The following POLN variants were observed in gnomAD, a reference collection of about 807,000 sequenced individuals.
POLN encodes the protein DNA polymerase N.
In POLN, 108 loss-of-function variants were observed where a neutral mutation model predicts 113.5. The observed-to-expected ratio is 0.95, with a 90% CI of 0.81 to 1.12. The LOEUF is 1.12. Ranked by LOEUF, POLN falls within the 50% of genes most tolerant of loss-of-function variation. POLN has a pLI of 0.00. For missense variants in POLN, 1,097 were observed against 1,077.1 expected (o/e 1.02, Z -0.26); for synonymous variants, 386 against 391.5 (o/e 0.99, Z 0.17).
chr4:2,075,518 G>A lies in POLN; in HGVS notation c.2389C>T (p.Leu797=). ...AGCTCATCATGGATCTGGGCCACCA[G>A]CCTGGCAGGGAGGGAAGGAGTCACC... ...VAASHTLTAR[L]VAQIHDELLF... The change falls in exon 24 of 26, where the codon CTG becomes TTG. Residue 797 remains leucine, a splice_region_variant and synonymous_variant. Transcript: ENST00000511885. 1 of 1,613,200 alleles carries A rather than the reference G, an allele frequency of 6.2e-7. No homozygotes were observed. Among genetic ancestry groups the A allele is most frequent in the African/African-American group, 1.3e-5 (1 of 75,076 alleles).
At chr4:2,144,140 G>GT (rs1561035526) in intron 16 of POLN, among the ~76,000 whole-genome samples, 2 of 136,150 alleles carry the variant, frequency 1.5e-5, no homozygotes, top group Non-Finnish European at 1.6e-5. Context: ...TTAAAAATTT[G>GT]TTCTTTTTTT....
chr4:2,099,736 A>G lies in POLN; in HGVS notation c.1983-3803T>C, dbSNP rs1479266534. Reference sequence around the variant, plus strand: ...TTCATTGTGACAAATGTACCATATTAATGGAAAACATTCATAACAGGGAAG... The same window carrying G: ...TTCATTGTGACAAATGTACCATATTGATGGAAAACATTCATAACAGGGAAG... On this transcript the variant is annotated intron_variant, in intron 19 of 25. Coordinates refer to ENST00000511885, the MANE Select transcript of POLN (RefSeq NM_181808.4). Among the ~76,000 whole-genome samples the G allele has an allele frequency of 3.9e-5, 6 of 152,350 alleles. No homozygotes were observed. In the East Asian group the frequency reaches 1.2e-3, roughly 29 times the overall value.
At chr4:2,078,476 T>C (rs139667275) in intron 23 of POLN, 50 of 621,018 alleles carry the variant, frequency 8.1e-5, no homozygotes, top group Middle Eastern at 8.2e-4. Flanking sequence ...TCTTCTTCTT[T>C]TTTTTTTTTT....
intron 2 of POLN, among the ~76,000 whole-genome samples, chr4:2,235,580 C>T (rs964867743): frequency 6.6e-6 from 1 of 152,116 alleles, no homozygotes; most frequent in African/African-American, 2.4e-5. Context: ...TATAGCTTTA[C>T]GTGTATCAAC....
At chr4:2,239,289 CTTA>C (rs1317400455) in intron 2 of POLN, among the ~76,000 whole-genome samples, 3 of 152,146 alleles carry the variant, frequency 2.0e-5, no homozygotes, top group East Asian at 3.8e-4. Context: ...AAATAGAGAT[CTTA>C]TTATACTTCT....
intron 2 of POLN, among the ~76,000 whole-genome samples, chr4:2,237,192 C>G (rs969892569): frequency 6.6e-6 from 1 of 151,936 alleles, no homozygotes; most frequent in Admixed American, 6.6e-5. Flanking sequence ...GCCTGTAATC[C>G]CAGTATTGTG....
chr4:2,225,106 T>C (rs563556164), intron 3 of POLN, among the ~76,000 whole-genome samples: 2 of 152,048 alleles, frequency 1.3e-5, no homozygotes, highest in East Asian at 1.9e-4. Context: ...ATGCAACACA[T>C]GACTCTCCAA....
intron 2 of POLN, chr4:2,230,442 T>C (rs897634639): frequency 3.3e-5 from 5 of 151,902 alleles, no homozygotes; most frequent in African/African-American, 1.2e-4. Context: ...AATTCTCTAT[T>C]CCGAAATAGA....
In POLN at chr4:2,198,207, T is replaced by A. The variant is rs73798504; in HGVS notation, c.908+317A>T. Among the ~76,000 whole-genome samples the A allele has an allele frequency of 2.1e-3, 315 of 152,332 alleles. 1 individual carries two copies. The highest frequency in any genetic ancestry group is 7.1e-3 in the African/African-American group (297 of 41,568). ...TGAACAAGTATGATAAGGAAAATCA[T>A]CTGGGACTCTGCCAGTGACAGGGGA... is the stretch of plus-strand genomic sequence containing the variant. On this transcript the variant is annotated intron_variant, in intron 6 of 25. Transcript: ENST00000511885.
At chr4:2,079,765 A>T in intron 23 of POLN, 3 of 785,138 alleles carry the variant, frequency 3.8e-6, no homozygotes, top group Non-Finnish European at 4.6e-6. Flanking sequence ...TTGTATTTTT[A>T]GTAGTGACGA....
At chr4:2,100,509 C>G (rs929485218) in intron 19 of POLN, among the ~76,000 whole-genome samples, 1 of 152,230 alleles carries the variant, frequency 6.6e-6, no homozygotes, top group African/African-American at 2.4e-5. Flanking sequence ...TGCTCCTGGA[C>G]AGGAGAATAC....
intron 18 of POLN, among the ~76,000 whole-genome samples, chr4:2,128,958 G>C (rs1237757512): frequency 6.6e-6 from 1 of 151,638 alleles, no homozygotes; most frequent in Non-Finnish European, 1.5e-5. Context: ...GGGAGGTTGA[G>C]GCAGGAGAAT....
At position 2,128,155 on chromosome 4, in the gene POLN, T is replaced by A. The variant is rs1731630073; in HGVS notation, c.1940A>T (p.Glu647Val). ...GDPELLKLFQ[E>V]SERDDVFSTL... ...AGAAAATACATCATCTCTTTCAGAT[T>A]CCTGGAATAACTTCAGAAGTTCCGG... is the stretch of plus-strand genomic sequence containing the variant. Residue 647 changes from glutamate (E) to valine (V), a missense_variant, in exon 19 of 26, where the codon GAA becomes GTA. Coordinates refer to ENST00000511885, the MANE Select transcript of POLN (RefSeq NM_181808.4). 1 of 1,611,444 alleles carries A rather than the reference T, an allele frequency of 6.2e-7. No individual in the cohort carries two copies. The highest frequency in any genetic ancestry group is 8.5e-7 in the Non-Finnish European group (1 of 1,177,732).
chr4:2,235,212 C>T (rs984574757), intron 2 of POLN, among the ~76,000 whole-genome samples: 23 of 152,160 alleles, frequency 1.5e-4, no homozygotes, highest in African/African-American at 5.3e-4. Flanking sequence ...AATCCACCAT[C>T]GCAGTGGAAA....
chr4:2,209,984 T>TTA lies in POLN; in HGVS notation c.214-1499_214-1498dup, dbSNP rs1273483947. ...GCCAAGGCTTATTTTCAAATTTACT[T>TTA]TATATATATATATAAATTTACTTTA... On this transcript the variant is annotated intron_variant, in intron 4 of 25. Transcript: ENST00000511885. Among the ~76,000 whole-genome samples the TTA allele has an allele frequency of 1.4e-4, 20 of 145,064 alleles. 1 individual carries two copies. The East Asian group carries it at 2.4e-3, about 18-fold the overall frequency.
At chr4:2,184,831 C>T (rs1309073220) in intron 7 of POLN, among the ~76,000 whole-genome samples, 5 of 152,140 alleles carry the variant, frequency 3.3e-5, no homozygotes, top group African/African-American at 1.2e-4. Context: ...AGATCATGTG[C>T]AATGTGTCAA....
In POLN at chr4:2,179,430, C is replaced by G. The variant is rs779714223; in HGVS notation, c.1057G>C (p.Ala353Pro). The G allele has an allele frequency of 7.4e-5, 120 of 1,613,844 alleles. No homozygotes were observed. The highest frequency in any genetic ancestry group is 9.6e-5 in the Non-Finnish European group (113 of 1,179,890). ...DFIGLDPRIA[A>P]WLIDPSDATP... The stretch of plus-strand genomic sequence containing the variant: ...GCATCACTAGGATCTATAAGCCATG[C>G]AGCAATTCTGGGATCTAGCCCTATA... The change falls in exon 8 of 26, where the codon GCA becomes CCA. Residue 353 changes from alanine (A) to proline (P), a missense_variant. Coordinates refer to ENST00000511885, the MANE Select transcript of POLN (RefSeq NM_181808.4).
chr4:2,238,545 CTAGT>C, intron 2 of POLN: 2 of 1,168,934 alleles, frequency 1.7e-6, no homozygotes, highest in Non-Finnish European at 2.4e-6. Flanking sequence ...CAAACTCTCT[CTAGT>C]ATTTCGCAAA....
intron 16 of POLN, among the ~76,000 whole-genome samples, chr4:2,152,584 G>C (rs1012970214): frequency 1.3e-5 from 2 of 150,314 alleles, no homozygotes; most frequent in South Asian, 2.1e-4. Context: ...ACTGTATTTT[G>C]TGCACTTTAA....
Sources: gnomAD v4.1 joint callset for allele counts (sites outside exome capture counted in the v4.1 genomes callset) on GRCh38, gnomAD v4.1.1 for gene constraint, MANE v1.5 for transcripts, NCBI Gene and HGNC (gene_info 2026-07-23, HGNC 2026-07-21) for gene names.